Variants in SETDB2 observed in about 807,000 individuals in gnomAD.
The protein encoded by SETDB2 is SET domain bifurcated histone lysine methyltransferase 2, also known as histone-lysine N-methyltransferase SETDB2.
Under a neutral mutation model 82.5 loss-of-function variants are expected in SETDB2, and 56 were observed. The observed-to-expected ratio is 0.68, with a 90% CI of 0.55 to 0.85. The LOEUF is 0.85. Ranked by LOEUF, SETDB2 falls within the 40% of genes least tolerant of loss-of-function variation. The pLI is 0.00. For synonymous variants in SETDB2, 272 were observed against 284.9 expected (o/e 0.95, Z 0.46); for missense variants, 677 against 816.4 (o/e 0.83, Z 2.08).
At chr13:49,458,236 A>G (rs1160646394) in intron 2 of SETDB2, among the ~76,000 whole-genome samples, 2 of 152,008 alleles carry the variant, frequency 1.3e-5, no homozygotes, top group Non-Finnish European at 2.9e-5. Context: ...GGCATGTACC[A>G]CCTCGCCTGG....
intron 5 of SETDB2, among the ~76,000 whole-genome samples, chr13:49,471,236 C>G (rs965925266): frequency 5.9e-5 from 9 of 152,094 alleles, no homozygotes; most frequent in East Asian, 5.8e-4. Flanking sequence ...CTCAGCTTCC[C>G]AAAGTGCTGG....
intron 13 of SETDB2, among the ~76,000 whole-genome samples, chr13:49,491,378 CA>C (rs1463915042): frequency 6.6e-6 from 1 of 152,224 alleles, no homozygotes; most frequent in Non-Finnish European, 1.5e-5. Context: ...TATCAGGTAT[CA>C]CCCAGTTCCA....
intron 5 of SETDB2, among the ~76,000 whole-genome samples, chr13:49,472,314 AC>A (rs1022041736): frequency 2.6e-5 from 4 of 152,118 alleles, no homozygotes; most frequent in African/African-American, 9.7e-5. Context: ...ATGACTTCTT[AC>A]TTTAGCCTTG....
chr13:49,483,950 C>G (rs1958538365), intron 10 of SETDB2, among the ~76,000 whole-genome samples: 1 of 152,088 alleles, frequency 6.6e-6, no homozygotes, highest in African/African-American at 2.4e-5. Context: ...TAAACTATTG[C>G]CTTCCTATCC....
chr13:49,483,053 A>G lies in SETDB2; in HGVS notation c.1382+91A>G, dbSNP rs980043723. The G allele has an allele frequency of 1.5e-5, 12 of 806,294 alleles. No individual in the cohort carries two copies. The African/African-American group carries it at 2.1e-4, about 14-fold the overall frequency. The allele number at this position is 806,294 out of a possible 1,614,324, so 49.9% of individuals were successfully genotyped here. A position where few individuals can be genotyped will look rare whatever the true frequency, so the allele number is the denominator to read the frequency against. On this transcript the variant is annotated intron_variant, in intron 9 of 13. Coordinates refer to ENST00000611815, the MANE Select transcript of SETDB2 (RefSeq NM_001160308.3). ...TCCTTCCCCTCTTTCTTTTCTCCTC[A>G]TTTGTATTTATCATTTTGCTTCAAA...
intron 12 of SETDB2, chr13:49,489,428 T>A (rs1219363449): frequency 1.3e-5 from 2 of 151,944 alleles, no homozygotes; most frequent in East Asian, 3.9e-4. Context: ...CCAAAAGGCT[T>A]GTTTGTTACA....
intron 1 of SETDB2, chr13:49,446,437 G>A (rs769268238): frequency 4.4e-6 from 2 of 456,208 alleles, no homozygotes; most frequent in South Asian, 3.1e-5. Flanking sequence ...ACTCCCGCTG[G>A]AGACTTTGGT....
chr13:49,491,717 A>G lies in SETDB2; in HGVS notation c.2007-15A>G. Reference sequence around the variant, plus strand: ...TAGGGTATTTTATGATTCTTTTCAAATTTCTACTTTCTAGGTATGTGAAAG... The same window carrying G: ...TAGGGTATTTTATGATTCTTTTCAAGTTTCTACTTTCTAGGTATGTGAAAG... On this transcript the variant is annotated splice_polypyrimidine_tract_variant and intron_variant, in intron 13 of 13. Transcript: ENST00000611815. 6.3e-7 allele frequency: 1 copy of G among 1,576,354 alleles called. No homozygotes were observed. The highest frequency in any genetic ancestry group is 8.7e-7 in the Non-Finnish European group (1 of 1,151,392).
intron 6 of SETDB2, 49 bp downstream of exon 6, chr13:49,477,088 C>T (rs578219062): frequency 1.0e-5 from 15 of 1,459,898 alleles, no homozygotes; most frequent in Middle Eastern, 1.8e-4. Flanking sequence ...AATGTAAGGA[C>T]GCTTGTTAAG....
At chr13:49,485,990 C>T (rs1190867614) in intron 11 of SETDB2, 2 of 608,922 alleles carry the variant, frequency 3.3e-6, no homozygotes, top group Admixed American at 3.0e-5. Flanking sequence ...TATTTTGACA[C>T]TTGAAAATTA....
chr13:49,492,109 A>T lies in SETDB2; in HGVS notation c.*260A>T, dbSNP rs1488096001. 3 of 327,686 alleles carry T rather than the reference A, an allele frequency of 9.2e-6. No homozygotes were observed. Among genetic ancestry groups the T allele is most frequent in the African/African-American group, 6.4e-5 (3 of 47,208 alleles). The allele number at this position is 327,686 out of a possible 1,614,324, so 20.3% of individuals were successfully genotyped here. ...AAGTGTATATTTTATATGAAATACC[A>T]CTGTACAATTTATAATTTATTTACA... On this transcript the variant is annotated 3_prime_UTR_variant, in exon 14 of 14. Transcript: ENST00000611815.
Position 49,490,818 on chromosome 13 carries a change from A to G in SETDB2, c.1918-4A>G, listed in dbSNP as rs1486045897. On this transcript the variant is annotated splice_region_variant and splice_polypyrimidine_tract_variant and intron_variant, in intron 12 of 13. Coordinates refer to ENST00000611815, the MANE Select transcript of SETDB2 (RefSeq NM_001160308.3). ...TAACCTTTGTGTTTATTTTTATTTA[A>G]CAGCATAGTTGTTGCCCAAATCTCT... is the stretch of plus-strand genomic sequence containing the variant. The G allele has an allele frequency of 1.9e-6, 3 of 1,599,190 alleles. No individual in the cohort carries two copies. The African/African-American group carries it at 4.0e-5, about 21-fold the overall frequency.
At chr13:49,463,171 ATT>A (rs34485321) in intron 4 of SETDB2, among the ~76,000 whole-genome samples, 26 of 148,556 alleles carry the variant, frequency 1.8e-4, no homozygotes, top group East Asian at 2.0e-4. Flanking sequence ...ACACCCGGTG[ATT>A]TTTTTTTTTT....
intron 6 of SETDB2, among the ~76,000 whole-genome samples, chr13:49,478,829 G>A (rs779231375): frequency 6.6e-6 from 1 of 152,102 alleles, no homozygotes; most frequent in Non-Finnish European, 1.5e-5. Flanking sequence ...GGGAGTCTGA[G>A]GTGGGAGGAT....
Position 49,451,898 on chromosome 13 carries a change from G to A in SETDB2, c.5G>A (p.Gly2Glu). ...ATTTATAAGCGACATCAAAAGATGG[G>A]AGAAAAAAATGGTAGGTTGAAGAAC... M[G>E]EKNGDAKTFW... Residue 2 changes from glycine (G) to glutamate (E), a missense_variant, in exon 2 of 14, where the codon GGA becomes GAA. Physicochemically the swap from Gly to Glu is moderately conservative, Grantham distance 98. Coordinates refer to ENST00000611815, the MANE Select transcript of SETDB2 (RefSeq NM_001160308.3). 1 of 1,593,952 alleles carries A rather than the reference G, an allele frequency of 6.3e-7. No homozygotes were observed.
chr13:49,494,713 C>T lies in SETDB2; in HGVS notation c.*2864C>T, dbSNP rs926823918. The T allele has an allele frequency of 9.2e-5, 14 of 152,138 alleles. No individual in the cohort carries two copies. Among genetic ancestry groups the T allele is most frequent in the African/African-American group, 3.4e-4 (14 of 41,420 alleles). 9.4% of individuals were successfully genotyped at this position (152,138 alleles called of 1,614,324 possible). On this transcript the variant is annotated 3_prime_UTR_variant, in exon 14 of 14. Coordinates refer to ENST00000611815, the MANE Select transcript of SETDB2 (RefSeq NM_001160308.3). The stretch of plus-strand genomic sequence containing the variant: ...CCTGTTTTGCAGACCCCACACTCTT[C>T]TGCAATTCATTTCATAGTTGTCAAG...
Position 49,467,298 on chromosome 13 carries a change from G to A in SETDB2, c.209-566G>A, listed in dbSNP as rs60244251. ...TAATCCCAACTACTGGAGAGGCTGCGGCAGGAGAATCGTTTGAACCTAGGA... is the reference window on the plus strand; with the variant it reads ...TAATCCCAACTACTGGAGAGGCTGCAGCAGGAGAATCGTTTGAACCTAGGA... On this transcript the variant is annotated intron_variant, in intron 4 of 13. Transcript: ENST00000611815. Among the ~76,000 whole-genome samples, 9 of 152,094 alleles carry A rather than the reference G, an allele frequency of 5.9e-5. No individual in the cohort carries two copies. The East Asian group carries it at 9.7e-4, about 16-fold the overall frequency.
chr13:49,488,701 G>T, intron 12 of SETDB2, 71 bp downstream of exon 12: 1 of 1,272,090 alleles, frequency 7.9e-7, no homozygotes, highest in Non-Finnish European at 1.1e-6. Context: ...AAAATTATGA[G>T]GAAAATAAAC....
chr13:49,449,072 C>T (rs997343638), intron 1 of SETDB2, among the ~76,000 whole-genome samples: 7 of 152,268 alleles, frequency 4.6e-5, no homozygotes, highest in African/African-American at 1.7e-4. Flanking sequence ...CTTGCTGTGA[C>T]ATTTTGTGTA....
Sources: allele counts gnomAD v4.1 joint callset (sites outside exome capture counted in the v4.1 genomes callset), GRCh38; gene constraint gnomAD v4.1.1; transcripts MANE v1.5; gene names NCBI Gene and HGNC (gene_info 2026-07-23, HGNC 2026-07-21).